The following MBNL1 variants were observed in gnomAD, a reference collection of about 807,000 sequenced individuals.
The protein encoded by MBNL1 is muscleblind like splicing regulator 1, also known as muscleblind-like protein 1.
In MBNL1, 8 loss-of-function variants were observed where a neutral mutation model predicts 42.2. The ratio of observed to expected loss-of-function variants is 0.19; its 90% confidence interval spans 0.11 to 0.34. The LOEUF (loss-of-function observed/expected upper bound fraction) is 0.34. Ranked by LOEUF, MBNL1 falls within the 10% of genes least tolerant of loss-of-function variation. The probability of loss-of-function intolerance (pLI) is 1.00; values close to 1 mark genes in which losing one functional copy is unlikely to be tolerated. For synonymous variants in MBNL1, 169 were observed against 173.9 expected, an observed-to-expected ratio of 0.97 and a Z score of 0.22; for missense variants, 309 against 495.3, an observed-to-expected ratio of 0.62 and a Z score of 3.57.
chr3:152,431,460 T>C (rs982331913), intron 3 of MBNL1, among the ~76,000 whole-genome samples: 3 of 152,232 alleles, frequency 2.0e-5, no homozygotes, highest in African/African-American at 4.8e-5. Context: ...ATTTGTAATA[T>C]ATACCTTATA....
At chr3:152,390,687 G>A (rs983738284) in intron 2 of MBNL1, among the ~76,000 whole-genome samples, 2 of 151,814 alleles carry the variant, frequency 1.3e-5, no homozygotes, top group Non-Finnish European at 1.5e-5. Flanking sequence ...GACTTAGGCC[G>A]AGATAGTTTT....
intron 2 of MBNL1, among the ~76,000 whole-genome samples, chr3:152,373,312 G>A (rs977794954): frequency 3.4e-5 from 5 of 145,226 alleles, no homozygotes; most frequent in Non-Finnish European, 6.0e-5. Context: ...CAGTTCTGTC[G>A]CTGGCCTTCC....
intron 2 of MBNL1, among the ~76,000 whole-genome samples, chr3:152,351,512 T>C (rs1053120911): frequency 6.6e-6 from 1 of 152,226 alleles, no homozygotes; most frequent in African/African-American, 2.4e-5. Context: ...TCGAGTTTTA[T>C]TAAAGGTGTA....
At chr3:152,303,377 G>A (rs1219903621) in intron 2 of MBNL1, among the ~76,000 whole-genome samples, 1 of 152,082 alleles carries the variant, frequency 6.6e-6, no homozygotes, top group African/African-American at 2.4e-5. Context: ...TTTTACAATT[G>A]CAGTTTTAAT....
intron 9 of MBNL1, among the ~76,000 whole-genome samples, chr3:152,460,733 CTTG>C (rs1451758286): frequency 6.6e-6 from 1 of 151,722 alleles, no homozygotes; most frequent in South Asian, 2.1e-4. Context: ...TGCTCAGATG[CTTG>C]TTATTTATTT....
intron 6 of MBNL1, among the ~76,000 whole-genome samples, chr3:152,448,077 A>G (rs975114497): frequency 6.6e-6 from 1 of 152,200 alleles, no homozygotes; most frequent in Non-Finnish European, 1.5e-5. Context: ...ATGTCTGTCA[A>G]GCTATTTTAT....
Position 152,358,305 on chromosome 3 carries a change from T to C in MBNL1, c.175-56636T>C, listed in dbSNP as rs191782674. Among the ~76,000 whole-genome samples the C allele has an allele frequency of 3.0e-3, 453 of 152,328 alleles. 1 individual carries two copies. The highest frequency in any genetic ancestry group is 0.011 in the South Asian group (51 of 4,828). ...TTAGTGATATTTTATTAAAGGTACT[T>C]CTCATTTTTATTCATATTTAAACAT... On this transcript the variant is annotated intron_variant, in intron 2 of 9. Coordinates refer to ENST00000324210, the MANE Select transcript of MBNL1 (RefSeq NM_021038.5).
At chr3:152,350,337 A>G (rs1226266019) in intron 2 of MBNL1, among the ~76,000 whole-genome samples, 1 of 152,150 alleles carries the variant, frequency 6.6e-6, no homozygotes, top group Non-Finnish European at 1.5e-5. Context: ...AGGAGGTAGA[A>G]TTCAGATTGT....
intron 2 of MBNL1, among the ~76,000 whole-genome samples, chr3:152,331,607 A>G (rs549240271): frequency 3.1e-4 from 47 of 152,276 alleles, no homozygotes; most frequent in African/African-American, 1.1e-3. Context: ...TGTCCAAGGA[A>G]TTAAATAAAA....
chr3:152,394,419 A>G (rs1196782074), intron 2 of MBNL1, among the ~76,000 whole-genome samples: 1 of 152,242 alleles, frequency 6.6e-6, no homozygotes, highest in Non-Finnish European at 1.5e-5. Flanking sequence ...AAATTTGTTT[A>G]TACGGTACAT....
intron 2 of MBNL1, among the ~76,000 whole-genome samples, chr3:152,355,823 A>G (rs889114869): frequency 1.3e-5 from 2 of 152,190 alleles, no homozygotes; most frequent in South Asian, 2.1e-4. Flanking sequence ...TTCCCCAAGA[A>G]TGATTTCATC....
At chr3:152,338,274 C>T in intron 2 of MBNL1, 1 of 985,336 alleles carries the variant, frequency 1.0e-6, no homozygotes, top group South Asian at 4.7e-5. Flanking sequence ...AGCTCTGTGC[C>T]AATTGTTCCT....
At chr3:152,358,008 T>TGTGC (rs916484426) in intron 2 of MBNL1, among the ~76,000 whole-genome samples, 1 of 152,008 alleles carries the variant, frequency 6.6e-6, no homozygotes, top group East Asian at 1.9e-4. Context: ...TGTGTGTGTG[T>TGTGC]GCGCACGCAC....
intron 2 of MBNL1, among the ~76,000 whole-genome samples, chr3:152,259,544 C>A (rs1477968770): frequency 6.6e-6 from 1 of 152,140 alleles, no homozygotes; most frequent in East Asian, 1.9e-4. Flanking sequence ...TTGAAGTTAT[C>A]AAAGATAAGC....
intron 2 of MBNL1, among the ~76,000 whole-genome samples, chr3:152,370,990 T>C (rs150883345): frequency 0.01 from 1,558 of 152,282 alleles, 22 homozygotes; most frequent in African/African-American, 0.036. Context: ...GCATTTAGCC[T>C]GTTTACATTT....
intron 9 of MBNL1, among the ~76,000 whole-genome samples, chr3:152,460,920 G>T (rs1744639384): frequency 6.6e-6 from 1 of 152,278 alleles, no homozygotes; most frequent in African/African-American, 2.4e-5. Context: ...AGATAAAGAT[G>T]TAAGGAATTT....
chr3:152,416,502 C>G lies in MBNL1; in HGVS notation c.345+1391C>G, dbSNP rs917324542. On this transcript the variant is annotated intron_variant, in intron 3 of 9. Coordinates refer to ENST00000324210, the MANE Select transcript of MBNL1 (RefSeq NM_021038.5). The stretch of plus-strand genomic sequence containing the variant: ...ACAAAAGTCTCATTTGCACTTGGCT[C>G]TCACATACAGTTTCAAAGATCAGAC... 2.0e-5 allele frequency among the ~76,000 whole-genome samples: 3 copies of G among 152,204 alleles called. No homozygotes were observed. The East Asian group carries it at 5.8e-4, about 29-fold the overall frequency.
chr3:152,458,230 G>A (rs375595180), intron 8 of MBNL1: 26 of 1,592,000 alleles, frequency 1.6e-5, no homozygotes, highest in Non-Finnish European at 2.0e-5. Context: ...GCACATTTTC[G>A]TGCCATTTGC....
chr3:152,386,594 G>A (rs889554455), intron 2 of MBNL1, among the ~76,000 whole-genome samples: 3 of 152,002 alleles, frequency 2.0e-5, no homozygotes, highest in African/African-American at 7.2e-5. Context: ...ATAATTTATA[G>A]TATGTGTAGT....
Sources: allele counts gnomAD v4.1 joint callset (sites outside exome capture counted in the v4.1 genomes callset), GRCh38; gene constraint gnomAD v4.1.1; transcripts MANE v1.5; gene names NCBI Gene and HGNC (gene_info 2026-07-23, HGNC 2026-07-21).